Variants in HIVEP3 observed in about 807,000 individuals in gnomAD.
HIVEP3 encodes the protein transcription factor HIVEP3.
In HIVEP3, 49 loss-of-function variants were observed where a neutral mutation model predicts 152.8. That is an observed-to-expected ratio of 0.32 (90% confidence interval 0.26 to 0.41). The LOEUF (loss-of-function observed/expected upper bound fraction) is 0.41. Among genes scored for constraint, HIVEP3 ranks in the 10% least tolerant of loss-of-function variants. The pLI, the probability that HIVEP3 is intolerant of heterozygous loss-of-function variation, is 1.00. For synonymous variants in HIVEP3, 1,269 were observed against 1,289.0 expected (o/e 0.98, Z 0.33); for missense variants, 2,790 against 3,103.3 (o/e 0.90, Z 2.40).
chr1:41,843,724 C>T (rs1643354440), intron 1 of HIVEP3, among the ~76,000 whole-genome samples: 1 of 152,196 alleles, frequency 6.6e-6, no homozygotes, highest in South Asian at 2.1e-4. Flanking sequence ...TTTCTGGAGG[C>T]CCCAACTCTG....
chr1:41,587,826 T>C (rs6600379), intron 3 of HIVEP3, among the ~76,000 whole-genome samples: 69,334 of 152,018 alleles, frequency 0.46, 16,361 homozygotes, highest in South Asian at 0.52. Flanking sequence ...CCTCAATTAA[T>C]AGAAGTTCTC....
chr1:41,795,310 C>T (rs1231595734), intron 1 of HIVEP3, among the ~76,000 whole-genome samples: 1 of 152,060 alleles, frequency 6.6e-6, no homozygotes, highest in Non-Finnish European at 1.5e-5. Flanking sequence ...TTGGATTTGT[C>T]TTATGTTTTC....
intron 1 of HIVEP3, among the ~76,000 whole-genome samples, chr1:41,911,796 A>G (rs1214156469): frequency 1.3e-5 from 2 of 152,210 alleles, no homozygotes; most frequent in Admixed American, 6.5e-5. Context: ...ACAGAGTCCA[A>G]TCAAATGAAG....
At chr1:42,023,254 G>A (rs1040466356) in intron 1 of HIVEP3, among the ~76,000 whole-genome samples, 1 of 152,106 alleles carries the variant, frequency 6.6e-6, no homozygotes, top group African/African-American at 2.4e-5. Context: ...TGATCTGCCT[G>A]CCTCTTCTTC....
chr1:41,867,723 C>T (rs558140639), intron 1 of HIVEP3, among the ~76,000 whole-genome samples: 8 of 152,338 alleles, frequency 5.3e-5, no homozygotes, highest in East Asian at 1.9e-4. Context: ...CTCTCCACTA[C>T]GAGGTGCCAT....
chr1:41,971,395 G>A (rs183906303), intron 1 of HIVEP3, among the ~76,000 whole-genome samples: 76 of 152,198 alleles, frequency 5.0e-4, no homozygotes, highest in African/African-American at 1.6e-3. Context: ...TCTGATCACC[G>A]CCTATTTTCC....
chr1:41,655,796 T>G (rs1396738548), intron 2 of HIVEP3, among the ~76,000 whole-genome samples: 1 of 152,058 alleles, frequency 6.6e-6, no homozygotes, highest in Non-Finnish European at 1.5e-5. Flanking sequence ...TTGTGGTCTG[T>G]TTTGGTCAGT....
intron 1 of HIVEP3, among the ~76,000 whole-genome samples, chr1:41,850,563 G>T (rs1643567644): frequency 6.6e-6 from 1 of 152,172 alleles, no homozygotes; most frequent in Admixed American, 6.5e-5. Context: ...CCTAATTTTT[G>T]TCGTCATTAG....
At chr1:41,643,143 C>T (rs932546940) in intron 2 of HIVEP3, among the ~76,000 whole-genome samples, 6 of 152,196 alleles carry the variant, frequency 3.9e-5, no homozygotes, top group African/African-American at 1.4e-4. Flanking sequence ...GGTCTTCTCT[C>T]CATGCTGCTG....
chr1:41,946,875 A>G (rs1189098302), intron 1 of HIVEP3, among the ~76,000 whole-genome samples: 12 of 152,128 alleles, frequency 7.9e-5, no homozygotes, highest in Middle Eastern at 6.3e-3. Context: ...AGCCCCTGCA[A>G]TACTCCAATT....
intron 6 of HIVEP3, among the ~76,000 whole-genome samples, chr1:41,521,883 G>A (rs934785832): frequency 6.6e-6 from 1 of 152,246 alleles, no homozygotes; most frequent in Non-Finnish European, 1.5e-5. Flanking sequence ...ACAGCCATCC[G>A]CTGGCCTCTG....
At chr1:41,600,213 T>A (rs912187003) in intron 3 of HIVEP3, among the ~76,000 whole-genome samples, 2 of 152,204 alleles carry the variant, frequency 1.3e-5, no homozygotes, top group African/African-American at 4.8e-5. Context: ...ATTCCCCTTC[T>A]GGGTATATAC....
intron 3 of HIVEP3, among the ~76,000 whole-genome samples, chr1:41,623,943 CAT>C (rs547841685): frequency 7.6e-4 from 115 of 152,288 alleles, no homozygotes; most frequent in Middle Eastern, 6.8e-3. Flanking sequence ...TCTCTGCACA[CAT>C]GTTTACCTTG....
intron 1 of HIVEP3, among the ~76,000 whole-genome samples, chr1:41,711,745 A>G (rs1424790995): frequency 6.6e-6 from 1 of 152,018 alleles, no homozygotes; most frequent in Non-Finnish European, 1.5e-5. Context: ...CTCTGTGTTG[A>G]GCGGCCCGAG....
intron 1 of HIVEP3, among the ~76,000 whole-genome samples, chr1:41,945,687 A>T (rs1320678669): frequency 6.6e-6 from 1 of 152,158 alleles, no homozygotes. Context: ...TGCCGCAGAC[A>T]TTTGCTAACT....
chr1:41,888,637 G>A (rs983661670), intron 1 of HIVEP3, among the ~76,000 whole-genome samples: 28 of 151,890 alleles, frequency 1.8e-4, no homozygotes, highest in African/African-American at 6.8e-4. Flanking sequence ...ACAGAATAAG[G>A]AGGATAAATT....
intron 1 of HIVEP3, among the ~76,000 whole-genome samples, chr1:41,935,134 C>A (rs1570824216): frequency 6.6e-6 from 1 of 152,124 alleles, no homozygotes; most frequent in Admixed American, 6.6e-5. Flanking sequence ...AATGAAACAA[C>A]TACAATTTAG....
chr1:41,541,840 C>T (rs1643537789), intron 5 of HIVEP3, among the ~76,000 whole-genome samples: 1 of 152,208 alleles, frequency 6.6e-6, no homozygotes, highest in African/African-American at 2.4e-5. Flanking sequence ...GGCACAATTC[C>T]ATAGGTATGT....
chr1:42,020,620 A>T (rs1645548317), intron 1 of HIVEP3, among the ~76,000 whole-genome samples: 1 of 152,214 alleles, frequency 6.6e-6, no homozygotes, highest in Non-Finnish European at 1.5e-5. Context: ...CCTCTATCAT[A>T]TAAAAATTTC....
Sources: gnomAD v4.1 joint callset for allele counts (sites outside exome capture counted in the v4.1 genomes callset) on GRCh38, gnomAD v4.1.1 for gene constraint, MANE v1.5 for transcripts, NCBI Gene and HGNC (gene_info 2026-07-23, HGNC 2026-07-21) for gene names.